The following MPV17 variants were observed in gnomAD, a reference collection of about 807,000 sequenced individuals.
The protein encoded by MPV17 is MPV17, mitochondrial inner membrane protein.
Under a neutral mutation model 28.6 loss-of-function variants are expected in MPV17, and 31 were observed. The observed-to-expected ratio is 1.08, with a 90% CI of 0.81 to 1.46. The LOEUF (loss-of-function observed/expected upper bound fraction) is 1.46, where lower values mean the gene tolerates loss of function less well. MPV17 is among the 40% of genes most tolerant of loss of function. The pLI is 0.00. For missense variants in MPV17, 198 were observed against 216.2 expected (o/e 0.92, Z 0.53); for synonymous variants, 87 against 85.3 (o/e 1.02, Z -0.11).
At chr2:27,315,373 C>A (rs1283110587) in intron 2 of MPV17, among the ~76,000 whole-genome samples, 1 of 152,176 alleles carries the variant, frequency 6.6e-6, no homozygotes, top group African/African-American at 2.4e-5. Context: ...TGCAGCCCTG[C>A]AGAAAGGGAA....
At chr2:27,321,487 T>A (rs1000669704) in intron 2 of MPV17, among the ~76,000 whole-genome samples, 1 of 152,168 alleles carries the variant, frequency 6.6e-6, no homozygotes, top group African/African-American at 2.4e-5. Flanking sequence ...CTTCCAATAG[T>A]CCTCTTCTCA....
chr2:27,314,309 C>T (rs1391245179), intron 2 of MPV17, among the ~76,000 whole-genome samples: 1 of 151,952 alleles, frequency 6.6e-6, no homozygotes, highest in East Asian at 1.9e-4. Flanking sequence ...GGCGACAGAA[C>T]AAGACCCTAT....
chr2:27,316,434 G>C (rs1679655446), intron 2 of MPV17, among the ~76,000 whole-genome samples: 1 of 152,092 alleles, frequency 6.6e-6, no homozygotes, highest in Admixed American at 6.6e-5. Context: ...TGCAGTCCCT[G>C]ACGGTTCATT....
chr2:27,321,620 T>A (rs1679861905), intron 2 of MPV17, among the ~76,000 whole-genome samples: 1 of 152,170 alleles, frequency 6.6e-6, no homozygotes. Flanking sequence ...CTCTAAGACT[T>A]ACTTATCTTC....
chr2:27,313,767 C>T (rs1417050378), intron 2 of MPV17, among the ~76,000 whole-genome samples: 2 of 152,060 alleles, frequency 1.3e-5, no homozygotes, highest in African/African-American at 4.8e-5. Flanking sequence ...GGCTAGAGTG[C>T]AGTGGCATGA....
chr2:27,313,448 A>G, intron 2 of MPV17: 1 of 567,756 alleles, frequency 1.8e-6, no homozygotes, highest in Non-Finnish European at 3.1e-6. Context: ...CAGAATCAAA[A>G]GGGGCTTTAA....
chr2:27,316,325 G>T, intron 2 of MPV17: 1 of 1,023,006 alleles, frequency 9.8e-7, no homozygotes, highest in Non-Finnish European at 1.4e-6. Context: ...TGCAGCCTTG[G>T]AGAAAGATGG....
chr2:27,322,031 G>C (rs1457266378), intron 2 of MPV17: 6 of 209,452 alleles, frequency 2.9e-5, no homozygotes, highest in Admixed American at 5.2e-5. Flanking sequence ...TAAGAGTCTT[G>C]ATTCAGCACT....
intron 5 of MPV17, 88 bp downstream of exon 5, chr2:27,312,406 C>G (rs1380992279): frequency 1.3e-6 from 2 of 1,488,236 alleles, no homozygotes; most frequent in East Asian, 4.5e-5. Context: ...CTGCACTTAC[C>G]CCCTTTTTTA....
At chr2:27,322,788 C>T (rs1679906084) in intron 1 of MPV17, among the ~76,000 whole-genome samples, 2 of 152,224 alleles carry the variant, frequency 1.3e-5, no homozygotes, top group Non-Finnish European at 2.9e-5. Flanking sequence ...GAAGCCAGAC[C>T]ACCTGGAAGC....
chr2:27,313,775 T>G (rs923890956), intron 2 of MPV17, among the ~76,000 whole-genome samples: 1 of 152,194 alleles, frequency 6.6e-6, no homozygotes, highest in Non-Finnish European at 1.5e-5. Context: ...TGCAGTGGCA[T>G]GATCTTGGCT....
chr2:27,322,231 A>T, intron 2 of MPV17: 1 of 604,224 alleles, frequency 1.7e-6, no homozygotes, highest in East Asian at 2.8e-5. Flanking sequence ...TGAAATCCTA[A>T]AACCCTACTG....
intron 5 of MPV17, 58 bp downstream of exon 5, chr2:27,312,436 C>G: frequency 1.3e-6 from 2 of 1,575,966 alleles, no homozygotes; most frequent in Non-Finnish European, 1.7e-6. Context: ...AACCTGTCTT[C>G]TTCCCCTGGG....
chr2:27,312,383 C>T, intron 5 of MPV17, 111 bp downstream of exon 5: 1 of 1,432,484 alleles, frequency 7.0e-7, no homozygotes. Flanking sequence ...TCCTCCATGG[C>T]CTGGGGCCCT....
chr2:27,311,916 C>T lies in MPV17; in HGVS notation c.444G>A (p.Leu148=), dbSNP rs776964645. ...WPAVQLANFY[L]VPLHYRLAVV... ...CAACATACCTGTAATGAAGGGGGAC[C>T]AGGTAGAAGTTGGCTAACTGCACAG... Residue 148 remains leucine, a synonymous_variant, in exon 7 of 8, where the codon CTG becomes CTA. Transcript: ENST00000380044. The T allele has an allele frequency of 2.5e-4, 408 of 1,613,574 alleles. 3 individuals are homozygous for T. In the Admixed American group the frequency reaches 6.7e-3, roughly 27 times the overall value.
In MPV17 at chr2:27,317,609, C is replaced by G. The variant is rs1331240671; in HGVS notation, c.71-4500G>C. Among the ~76,000 whole-genome samples, 1 of 152,108 alleles carries G rather than the reference C, an allele frequency of 6.6e-6. No homozygotes were observed. Among genetic ancestry groups the G allele is most frequent in the Non-Finnish European group, 1.5e-5 (1 of 68,002 alleles). ...CTTCTCTGCAGTCTCCTGGGCTGGA[C>G]AGGATTGTATGTAAGGCCTATTGAG... On this transcript the variant is annotated intron_variant, in intron 2 of 7. Coordinates refer to ENST00000380044, the MANE Select transcript of MPV17 (RefSeq NM_002437.5). This position sits in a 1 kb window ranked among gnomAD's most constrained non-coding sequence, Gnocchi z 4.0.
chr2:27,310,189 G>A (rs907144401), intron 7 of MPV17, among the ~76,000 whole-genome samples: 2 of 151,998 alleles, frequency 1.3e-5, no homozygotes, highest in East Asian at 1.9e-4. Flanking sequence ...ACTGCCTCCC[G>A]GGTTCAATCA....
Position 27,317,054 on chromosome 2 carries a change from CTCCTATTTTGT to C in MPV17, c.71-3956_71-3946del. ...CATGGGCAGGGTAAATTCCCTACTT[CTCCTATTTTGT>C]TCCTCTACTTACTTTTGTGGCTTTT... On this transcript the variant is annotated intron_variant, in intron 2 of 7. Transcript: ENST00000380044. The surrounding 1 kb of genome is among the most constrained non-coding windows in gnomAD (Gnocchi z 4.0). 3 of 1,537,222 alleles carry C rather than the reference CTCCTATTTTGT, an allele frequency of 2.0e-6. No homozygotes were observed. Among genetic ancestry groups the C allele is most frequent in the Middle Eastern group, 2.2e-4 (1 of 4,468 alleles).
intron 7 of MPV17, among the ~76,000 whole-genome samples, chr2:27,310,351 C>T (rs1324801533): frequency 2.6e-5 from 4 of 152,178 alleles, no homozygotes; most frequent in Non-Finnish European, 5.9e-5. Flanking sequence ...CCACCTCGGC[C>T]TCCCAAAGTG....
Sources: gnomAD v4.1 joint callset for allele counts (sites outside exome capture counted in the v4.1 genomes callset) on GRCh38, gnomAD v4.1.1 for gene constraint, Gnocchi (gnomAD v3.1) non-coding constraint, MANE v1.5 for transcripts, NCBI Gene and HGNC (gene_info 2026-07-23, HGNC 2026-07-21) for gene names.